NRG3: variants seen among roughly 807,000 people sequenced by gnomAD.
NRG3 encodes the protein pro-neuregulin-3, membrane-bound isoform.
NRG3 carries 31 observed loss-of-function variants against 66.9 expected under a neutral mutation model. The ratio of observed to expected loss-of-function variants is 0.46; its 90% CI spans 0.35 to 0.63. The LOEUF is 0.63. Among genes scored for constraint, NRG3 ranks in the 20% least tolerant of loss-of-function variants. The pLI is 0.00. For synonymous variants in NRG3, 393 were observed against 359.4 expected (o/e 1.09, Z -1.06); for missense variants, 910 against 878.9 (o/e 1.04, Z -0.45).
chr10:82,090,050 A>G (rs781076696), intron 1 of NRG3, among the ~76,000 whole-genome samples: 1 of 152,216 alleles, frequency 6.6e-6, no homozygotes, highest in African/African-American at 2.4e-5. Context: ...CTCTGAATAC[A>G]TAATATATAA....
chr10:82,001,982 C>G (rs552349751), intron 1 of NRG3, among the ~76,000 whole-genome samples: 1 of 152,120 alleles, frequency 6.6e-6, no homozygotes, highest in Non-Finnish European at 1.5e-5. Context: ...TGCAAAACCT[C>G]TTCATAAAAT....
intron 1 of NRG3, among the ~76,000 whole-genome samples, chr10:82,097,323 T>G (rs949728868): frequency 6.6e-6 from 1 of 150,914 alleles, no homozygotes. Context: ...TGTTTATCTA[T>G]TCCCTTATTG....
chr10:82,951,115 G>A (rs947974745), intron 4 of NRG3, among the ~76,000 whole-genome samples: 1 of 152,196 alleles, frequency 6.6e-6, no homozygotes, highest in Admixed American at 6.5e-5. Flanking sequence ...AAGCTCAGAA[G>A]CACCTGAGTT....
intron 1 of NRG3, among the ~76,000 whole-genome samples, chr10:82,184,937 A>G (rs530530173): frequency 6.6e-6 from 1 of 152,296 alleles, no homozygotes; most frequent in East Asian, 1.9e-4. Context: ...TTAATTACAT[A>G]ATTTCATTCC....
intron 1 of NRG3, among the ~76,000 whole-genome samples, chr10:81,957,256 A>C (rs1476037201): frequency 6.6e-6 from 1 of 152,142 alleles, no homozygotes; most frequent in Admixed American, 6.5e-5. Flanking sequence ...AATAAAACTT[A>C]GGGTGTTGTT....
At chr10:82,310,964 C>T (rs951531498) in intron 1 of NRG3, among the ~76,000 whole-genome samples, 2 of 152,162 alleles carry the variant, frequency 1.3e-5, no homozygotes, top group African/African-American at 4.8e-5. Flanking sequence ...AAGATTGAGG[C>T]AAATGAGAGT....
chr10:82,741,075 A>T (rs2058402619), intron 3 of NRG3, among the ~76,000 whole-genome samples: 1 of 152,164 alleles, frequency 6.6e-6, no homozygotes, highest in Non-Finnish European at 1.5e-5. Context: ...AAATTTAAAA[A>T]GAAAGAATAA....
chr10:82,068,959 C>G (rs2064647516), intron 1 of NRG3, among the ~76,000 whole-genome samples: 2 of 152,102 alleles, frequency 1.3e-5, no homozygotes, highest in Non-Finnish European at 1.5e-5. Flanking sequence ...AAGTCAACCA[C>G]CAAAACAAGA....
intron 1 of NRG3, among the ~76,000 whole-genome samples, chr10:81,922,092 C>T (rs1245616115): frequency 6.6e-6 from 1 of 152,010 alleles, no homozygotes; most frequent in East Asian, 1.9e-4. Flanking sequence ...CCCACTATTG[C>T]TATTTAGACA....
chr10:82,782,130 C>T (rs1487206355), intron 3 of NRG3, among the ~76,000 whole-genome samples: 3 of 152,102 alleles, frequency 2.0e-5, no homozygotes, highest in Middle Eastern at 3.2e-3. Flanking sequence ...TTGAATTTAT[C>T]CCCAAAATTC....
At chr10:82,429,673 T>C (rs549594598) in intron 2 of NRG3, among the ~76,000 whole-genome samples, 2 of 152,180 alleles carry the variant, frequency 1.3e-5, no homozygotes, top group Non-Finnish European at 2.9e-5. Flanking sequence ...ATCCAATTTT[T>C]AAATTTTCAG....
intron 1 of NRG3, among the ~76,000 whole-genome samples, chr10:81,918,735 A>G (rs186713159): frequency 1.3e-5 from 2 of 151,988 alleles, no homozygotes; most frequent in African/African-American, 4.8e-5. Context: ...TTATTTTACT[A>G]ATGAAATGCT....
chr10:82,568,381 G>T (rs1253404321), intron 2 of NRG3, among the ~76,000 whole-genome samples: 2 of 151,856 alleles, frequency 1.3e-5, no homozygotes, highest in Non-Finnish European at 2.9e-5. Context: ...GTCAAGGCTA[G>T]GTTAGGAAAT....
intron 1 of NRG3, among the ~76,000 whole-genome samples, chr10:82,116,241 C>T (rs1218659200): frequency 1.3e-5 from 2 of 151,978 alleles, no homozygotes; most frequent in South Asian, 2.1e-4. Flanking sequence ...TATATAGTAT[C>T]CCTTTATTTA....
chr10:82,516,626 G>T (rs1460540729), intron 2 of NRG3, among the ~76,000 whole-genome samples: 1 of 152,108 alleles, frequency 6.6e-6, no homozygotes, highest in Admixed American at 6.6e-5. Flanking sequence ...TATTATTCAT[G>T]GTCTTTGATG....
At chr10:82,720,296 A>C (rs1242482849) in intron 2 of NRG3, among the ~76,000 whole-genome samples, 2 of 152,040 alleles carry the variant, frequency 1.3e-5, no homozygotes, top group Non-Finnish European at 2.9e-5. Flanking sequence ...AGGCTGAGGC[A>C]GGAGAATCCC....
intron 1 of NRG3, among the ~76,000 whole-genome samples, chr10:82,315,827 G>T (rs367963329): frequency 6.6e-6 from 1 of 151,984 alleles, no homozygotes; most frequent in African/African-American, 2.4e-5. Flanking sequence ...CACCACACCC[G>T]GCTAGTTTTT....
At chr10:82,599,066 A>C (rs972115208) in intron 2 of NRG3, among the ~76,000 whole-genome samples, 1 of 152,076 alleles carries the variant, frequency 6.6e-6, no homozygotes. Flanking sequence ...GAAAAAAAAG[A>C]AGAAAGAAAA....
At chr10:82,208,061 G>C (rs1227851933) in intron 1 of NRG3, among the ~76,000 whole-genome samples, 1 of 152,064 alleles carries the variant, frequency 6.6e-6, no homozygotes, top group Non-Finnish European at 1.5e-5. Flanking sequence ...AAATTATCAG[G>C]TAGAAACAAT....
Sources: gnomAD v4.1 joint callset for allele counts (sites outside exome capture counted in the v4.1 genomes callset) on GRCh38, gnomAD v4.1.1 for gene constraint, MANE v1.5 for transcripts, NCBI Gene and HGNC (gene_info 2026-07-23, HGNC 2026-07-21) for gene names.